Variants in PRELP observed in about 807,000 individuals in gnomAD.
The protein encoded by PRELP is prolargin.
In PRELP, 16 loss-of-function variants were observed where a neutral mutation model predicts 22.8. That is an observed-to-expected ratio of 0.70 (90% confidence interval 0.47 to 1.06). The LOEUF is 1.06. Among genes scored for constraint, PRELP ranks in the 50% least tolerant of loss-of-function variants. The pLI, the probability that PRELP is intolerant of heterozygous loss-of-function variation, is 0.00. For synonymous variants in PRELP, 233 were observed against 211.4 expected (o/e 1.10, Z -0.89); for missense variants, 434 against 485.2 (o/e 0.89, Z 0.99).
intron 2 of PRELP, 106 bp from the exon 3 acceptor site, chr1:203,486,598 CAG>C: frequency 9.2e-7 from 1 of 1,088,896 alleles, no homozygotes; most frequent in Non-Finnish European, 1.3e-6. Context: ...TAGCCAGTTT[CAG>C]AGAGAAGTCT....
At chr1:203,485,215 A>G (rs1661073585) in intron 2 of PRELP, among the ~76,000 whole-genome samples, 1 of 151,970 alleles carries the variant, frequency 6.6e-6, no homozygotes, top group Admixed American at 6.6e-5. Flanking sequence ...TACCCTGGAG[A>G]CAGCACACTA....
intron 1 of PRELP, among the ~76,000 whole-genome samples, chr1:203,478,963 A>G (rs1660954831): frequency 6.6e-6 from 1 of 152,194 alleles, no homozygotes; most frequent in African/African-American, 2.4e-5. Flanking sequence ...GAAGAGATAC[A>G]GAGAGCAGGA....
chr1:203,483,420 G>GC lies in PRELP; in HGVS notation c.242dup (p.Asp82Ter). The GC allele has an allele frequency of 3.1e-6, 5 of 1,613,914 alleles. No individual in the cohort carries two copies. Among genetic ancestry groups the GC allele is most frequent in the Non-Finnish European group, 4.2e-6 (5 of 1,179,996 alleles). ...CCTGACTGTCCCCGCGAATGCTACT[G>GC]CCCCCCTGATTTCCCATCTGCCCTC... is the stretch of plus-strand genomic sequence containing the variant. On this transcript the variant is annotated frameshift_variant, in exon 2 of 3. Transcript: ENST00000343110. LOFTEE classifies it high-confidence loss of function. This position sits in a 1 kb window ranked among gnomAD's most constrained non-coding sequence, Gnocchi z 4.4.
intron 1 of PRELP, among the ~76,000 whole-genome samples, chr1:203,476,316 C>T (rs1458146141): frequency 2.0e-5 from 3 of 152,308 alleles, no homozygotes; most frequent in African/African-American, 4.8e-5. Context: ...GGAAGTCACA[C>T]ACATCACACG....
In PRELP at chr1:203,490,767, G is replaced by A. The variant is rs1193993867; in HGVS notation, c.*3886G>A. ...TTTAGAATGAGAACTGCCAGGTGAC[G>A]CCCTCGCTGCTCCTACCTGGCTACT... is the stretch of plus-strand genomic sequence containing the variant. On this transcript the variant is annotated 3_prime_UTR_variant, in exon 3 of 3. Transcript: ENST00000343110. 1.3e-5 allele frequency: 2 copies of A among 152,192 alleles called. No homozygotes were observed. The highest frequency in any genetic ancestry group is 1.9e-4 in the East Asian group (1 of 5,202). The allele number at this position is 152,192 out of a possible 1,614,324, so 9.4% of individuals were successfully genotyped here.
chr1:203,491,165 AG>A lies in PRELP; in HGVS notation c.*4285del, dbSNP rs1249045164. 2.0e-5 allele frequency: 3 copies of A among 152,124 alleles called. 1 individual carries two copies. The East Asian group carries it at 5.8e-4, about 29-fold the overall frequency. 9.4% of individuals were successfully genotyped at this position (152,124 alleles called of 1,614,324 possible). On this transcript the variant is annotated 3_prime_UTR_variant, in exon 3 of 3. Transcript: ENST00000343110. This position sits in a 1 kb window ranked among gnomAD's most constrained non-coding sequence, Gnocchi z 4.4. ...TTCTCCTGGCTCATCCTGGCTCAAA[AG>A]CTCCCCCACTGAACACCTTGCAACC...
intron 1 of PRELP, among the ~76,000 whole-genome samples, chr1:203,482,803 T>C (rs2487695): frequency 1.3e-5 from 2 of 151,110 alleles, no homozygotes; most frequent in African/African-American, 4.9e-5. Context: ...TTCACCGTGT[T>C]AGCCAGGATG....
rs1437294135 is a variant in PRELP at position 203,484,076 on chromosome 1, C to G, written c.892C>G (p.Leu298Val). Residue 298 changes from leucine to valine, a missense_variant, in exon 2 of 3, where the codon CTG (leucine) becomes GTG (valine). Leu to Val is a conservative substitution (Grantham distance 32). Coordinates refer to ENST00000343110, the MANE Select transcript of PRELP (RefSeq NM_002725.4). ...FNISNLLVLH[L>V]SHNRISSVPA... ...TATCTCCAACCTGCTTGTGCTCCAC[C>G]TGTCCCACAACAGGATCAGCAGTGT... 1 of 1,614,032 alleles carries G rather than the reference C, an allele frequency of 6.2e-7. No homozygotes were observed. The highest frequency in any genetic ancestry group is 8.5e-7 in the Non-Finnish European group (1 of 1,180,030).
At chr1:203,486,586 G>A (rs938744208) in intron 2 of PRELP, 120 bp from the exon 3 acceptor site, 28 of 949,454 alleles carry the variant, frequency 2.9e-5, no homozygotes, top group Non-Finnish European at 4.3e-5. Context: ...CATTCCCAAA[G>A]CTAGCCAGTT....
chr1:203,487,172 C>T lies in PRELP; in HGVS notation c.*291C>T, dbSNP rs532812744. 6.5e-6 allele frequency: 2 copies of T among 308,428 alleles called. No homozygotes were observed. Among genetic ancestry groups the T allele is most frequent in the Non-Finnish European group, 1.2e-5 (2 of 165,812 alleles). The allele number at this position is 308,428 out of a possible 1,614,324, so 19.1% of individuals were successfully genotyped here. A position where few individuals can be genotyped will look rare whatever the true frequency, so the allele number is the denominator to read the frequency against. On this transcript the variant is annotated 3_prime_UTR_variant, in exon 3 of 3. Transcript: ENST00000343110. Reference sequence around the variant, plus strand: ...ACAGATGTGTCTAAAGACTTGGTGTCCCCTTCTCTCTCCTCCCCCACCCGC... The same window carrying T: ...ACAGATGTGTCTAAAGACTTGGTGTTCCCTTCTCTCTCCTCCCCCACCCGC...
rs1661176885 is a variant in PRELP, at chr1:203,490,668, C to T, written c.*3787C>T. The T allele has an allele frequency of 6.6e-6, 1 of 152,194 alleles. No homozygotes were observed. Among genetic ancestry groups the T allele is most frequent in the African/African-American group, 2.4e-5 (1 of 41,442 alleles). 9.4% of individuals were successfully genotyped at this position (152,194 alleles called of 1,614,324 possible). A position where few individuals can be genotyped will look rare whatever the true frequency, so the allele number is the denominator to read the frequency against. ...CCACCGAAGGGTTAGAACAGGGTGT[C>T]CCAGACTCTCTCTTCTGAGGGAAGG... On this transcript the variant is annotated 3_prime_UTR_variant, in exon 3 of 3. Coordinates refer to ENST00000343110, the MANE Select transcript of PRELP (RefSeq NM_002725.4).
Position 203,486,853 on chromosome 1 carries a change from T to C in PRELP, c.1121T>C (p.Phe374Ser). ...ATCCCGCTGGACCTCATGATGTGCT[T>C]CCGCCTCCTGCAGTCCGTGGTCATC... is the stretch of plus-strand genomic sequence containing the variant. ...PPIPLDLMMCFRLLQSVVI is the reference protein window; with the variant it reads ...PPIPLDLMMCSRLLQSVVI The change falls in exon 3 of 3, where the codon TTC (phenylalanine) becomes TCC (serine). Residue 374 changes from phenylalanine to serine, a missense_variant. By Grantham distance (155) the Phe-to-Ser change is radical (BLOSUM62 -2). Transcript: ENST00000343110. The C allele has an allele frequency of 6.2e-7, 1 of 1,614,114 alleles. No homozygotes were observed. The highest frequency in any genetic ancestry group is 8.5e-7 in the Non-Finnish European group (1 of 1,179,990).
intron 1 of PRELP, among the ~76,000 whole-genome samples, chr1:203,481,016 C>CGCCCT (rs1333534076): frequency 2.3e-5 from 3 of 132,042 alleles, no homozygotes; most frequent in Admixed American, 7.1e-5. Flanking sequence ...AAGGAAACCC[C>CGCCCT]GCCCCGCCCA....
At position 203,487,091 on chromosome 1, in the gene PRELP, C is replaced by T; in HGVS notation, c.*210C>T. On this transcript the variant is annotated 3_prime_UTR_variant, in exon 3 of 3. Transcript: ENST00000343110. ...AGTTTGGTTCCACCCAGTTGAAAGA[C>T]ACCCAGTGCACACCCAAACTCCTGG... 1.8e-6 allele frequency: 1 copy of T among 560,522 alleles called. No individual in the cohort carries two copies. The highest frequency in any genetic ancestry group is 2.6e-5 in the South Asian group (1 of 38,804). 34.7% of individuals were successfully genotyped at this position (560,522 alleles called of 1,614,324 possible). A position where few individuals can be genotyped will look rare whatever the true frequency, so the allele number is the denominator to read the frequency against.
At position 203,483,254 on chromosome 1, in the gene PRELP, A is replaced by G. The variant is rs749803099; in HGVS notation, c.70A>G (p.Arg24Gly). Residue 24 changes from arginine (R) to glycine (G), a missense_variant, in exon 2 of 3, where the codon AGA becomes GGA. By Grantham distance (125) the Arg-to-Gly change is moderately radical. Transcript: ENST00000343110. This position sits in a 1 kb window ranked among gnomAD's most constrained non-coding sequence, Gnocchi z 4.4. Reference sequence around the variant, plus strand: ...CTCAGTGGCCCAAGGCCAGCCAACAAGACGACCAAGACCCGGGACTGGGCC... The same window carrying G: ...CTCAGTGGCCCAAGGCCAGCCAACAGGACGACCAAGACCCGGGACTGGGCC... ...LASVAQGQPT[R>G]RPRPGTGPGR... The G allele has an allele frequency of 6.3e-7, 1 of 1,598,278 alleles. No homozygotes were observed. The highest frequency in any genetic ancestry group is 1.1e-5 in the South Asian group (1 of 88,950).
In PRELP at chr1:203,479,056, G is replaced by A. The variant is rs115101109; in HGVS notation, c.-17+3118G>A. On this transcript the variant is annotated intron_variant, in intron 1 of 2. Coordinates refer to ENST00000343110, the MANE Select transcript of PRELP (RefSeq NM_002725.4). The stretch of plus-strand genomic sequence containing the variant: ...TCCGACATTCACCGGCACAGCGCTA[G>A]GTCAGAAGCAGCCCCATTCTCCACT... Among the ~76,000 whole-genome samples the A allele has an allele frequency of 5.7e-4, 87 of 152,344 alleles. 2 individuals are homozygous for A. The highest frequency in any genetic ancestry group is 1.9e-3 in the African/African-American group (77 of 41,584).
chr1:203,485,736 T>A (rs953792918), intron 2 of PRELP, among the ~76,000 whole-genome samples: 5 of 149,370 alleles, frequency 3.3e-5, no homozygotes, highest in African/African-American at 1.2e-4. Context: ...ACAATGAAGA[T>A]GATGCCTACT....
chr1:203,486,636 C>T lies in PRELP; in HGVS notation c.974-70C>T, dbSNP rs539807611. The T allele has an allele frequency of 4.2e-6, 6 of 1,428,172 alleles. No individual in the cohort carries two copies. The South Asian group carries it at 5.0e-5, about 12-fold the overall frequency. The allele number at this position is 1,428,172 out of a possible 1,614,324, so 88.5% of individuals were successfully genotyped here. The stretch of plus-strand genomic sequence containing the variant: ...ACAGTCCTTGCTCTCGGGTGTCTTC[C>T]CCCTTCCCCTTCCTCATCTTGGCCG... On this transcript the variant is annotated intron_variant, in intron 2 of 2. Coordinates refer to ENST00000343110, the MANE Select transcript of PRELP (RefSeq NM_002725.4).
rs1001174512 is a variant in PRELP at position 203,488,684 on chromosome 1, G to T, written c.*1803G>T. 6.6e-6 allele frequency: 1 copy of T among 152,152 alleles called. No homozygotes were observed. The highest frequency in any genetic ancestry group is 1.5e-5 in the Non-Finnish European group (1 of 68,060). 9.4% of individuals were successfully genotyped at this position (152,152 alleles called of 1,614,324 possible). ...TGTATGGACTGTCCCTCCCCCAGAG[G>T]CTTCCCCACCCTCCATTGCCTGGCC... On this transcript the variant is annotated 3_prime_UTR_variant, in exon 3 of 3. Transcript: ENST00000343110.
Sources: gnomAD v4.1 joint callset for allele counts (sites outside exome capture counted in the v4.1 genomes callset) on GRCh38, gnomAD v4.1.1 for gene constraint, Gnocchi (gnomAD v3.1) non-coding constraint, MANE v1.5 for transcripts, NCBI Gene and HGNC (gene_info 2026-07-23, HGNC 2026-07-21) for gene names.